The following CHL1 variants were observed in gnomAD, a reference collection of about 807,000 sequenced individuals.
The protein encoded by CHL1 is neural cell adhesion molecule L1-like protein.
In CHL1, 96 loss-of-function variants were observed where a neutral mutation model predicts 141.9. That is an observed-to-expected ratio of 0.68 (90% confidence interval 0.57 to 0.80). The LOEUF (loss-of-function observed/expected upper bound fraction) is 0.80. Among genes scored for constraint, CHL1 ranks in the 30% least tolerant of loss-of-function variants. CHL1 has a pLI of 0.00. For synonymous variants in CHL1, 613 were observed against 502.2 expected, an observed-to-expected ratio of 1.22 and a Z score of -2.95; for missense variants, 1,820 against 1,457.2, an observed-to-expected ratio of 1.25 and a Z score of -4.05.
intron 1 of CHL1, among the ~76,000 whole-genome samples, chr3:234,524 T>C (rs1475120694): frequency 6.6e-6 from 1 of 152,150 alleles, no homozygotes; most frequent in Non-Finnish European, 1.5e-5. Context: ...ATATTTAAAG[T>C]ACTGAAAATT....
intron 19 of CHL1, among the ~76,000 whole-genome samples, chr3:385,025 T>C (rs1707509810): frequency 6.6e-6 from 1 of 152,214 alleles, no homozygotes. Flanking sequence ...TGGTAATACA[T>C]AGAAATGAAA....
chr3:311,854 TAA>T (rs1699778979), intron 2 of CHL1, among the ~76,000 whole-genome samples: 1 of 152,188 alleles, frequency 6.6e-6, no homozygotes, highest in African/African-American at 2.4e-5. Flanking sequence ...CACAGCTATA[TAA>T]GTTGTTTTCT....
At chr3:325,243 T>A (rs1700912910) in intron 3 of CHL1, among the ~76,000 whole-genome samples, 1 of 152,012 alleles carries the variant, frequency 6.6e-6, no homozygotes, top group African/African-American at 2.4e-5. Flanking sequence ...TATTTTATTA[T>A]TTTGAAATGT....
chr3:342,911 GA>G (rs1202029520), intron 7 of CHL1, 72 bp from the exon 8 acceptor site: 1 of 1,236,694 alleles, frequency 8.1e-7, no homozygotes, highest in Non-Finnish European at 1.1e-6. Flanking sequence ...ACAAAAATAT[GA>G]CTTTTCATTC....
intron 2 of CHL1, among the ~76,000 whole-genome samples, chr3:276,691 C>A (rs183223355): frequency 4.0e-5 from 6 of 151,722 alleles, no homozygotes; most frequent in Admixed American, 2.6e-4. Context: ...AGATTGAGAC[C>A]GTCCTGGCTA....
chr3:277,277 T>C (rs1696230466), intron 2 of CHL1, among the ~76,000 whole-genome samples: 1 of 152,160 alleles, frequency 6.6e-6, no homozygotes, highest in Non-Finnish European at 1.5e-5. Context: ...AGTGCTAGAA[T>C]TATATAATAG....
At chr3:237,260 T>C (rs1380597219) in intron 1 of CHL1, among the ~76,000 whole-genome samples, 1 of 152,108 alleles carries the variant, frequency 6.6e-6, no homozygotes, top group Non-Finnish European at 1.5e-5. Flanking sequence ...GTGTGGAAGT[T>C]CCCCACTCAC....
chr3:202,063 G>C (rs1459978903), intron 1 of CHL1, among the ~76,000 whole-genome samples: 1 of 152,140 alleles, frequency 6.6e-6, no homozygotes, highest in Non-Finnish European at 1.5e-5. Flanking sequence ...AGGCTGCCAG[G>C]GTTCAAAATC....
intron 5 of CHL1, among the ~76,000 whole-genome samples, chr3:331,169 A>G (rs1345807694): frequency 1.3e-5 from 2 of 151,948 alleles, no homozygotes; most frequent in Non-Finnish European, 2.9e-5. Context: ...ATTAATACAG[A>G]GAAAGATTTC....
At chr3:247,488 T>C (rs1243723968) in intron 2 of CHL1, 7 of 152,050 alleles carry the variant, frequency 4.6e-5, no homozygotes, top group African/African-American at 1.7e-4. Context: ...ATCTGGGGCA[T>C]ATTAGACGCT....
intron 10 of CHL1, among the ~76,000 whole-genome samples, chr3:353,011 C>T (rs1703394785): frequency 6.6e-6 from 1 of 152,196 alleles, no homozygotes; most frequent in Non-Finnish European, 1.5e-5. Context: ...GGAACTGGAG[C>T]TTCCTTTGCT....
intron 10 of CHL1, among the ~76,000 whole-genome samples, chr3:352,231 T>G (rs1703330832): frequency 1.3e-5 from 2 of 152,194 alleles, no homozygotes; most frequent in Admixed American, 1.3e-4. Flanking sequence ...ATGTTGCGAT[T>G]AAATCCAATT....
At chr3:401,409 A>G (rs139496499) in intron 26 of CHL1, among the ~76,000 whole-genome samples, 1,796 of 152,312 alleles carry the variant, frequency 0.012, 42 homozygotes, top group African/African-American at 0.041. Flanking sequence ...TGCAGGTGTG[A>G]CGACAAGTAG....
chr3:372,262 T>C lies in CHL1; in HGVS notation c.1752-5556T>C, dbSNP rs1705733422. Among the ~76,000 whole-genome samples, 2 of 152,166 alleles carry C rather than the reference T, an allele frequency of 1.3e-5. 1 individual carries two copies. Among genetic ancestry groups the C allele is most frequent in the South Asian group, 4.1e-4 (2 of 4,824 alleles). On this transcript the variant is annotated intron_variant, in intron 15 of 27. Transcript: ENST00000256509. The stretch of plus-strand genomic sequence containing the variant: ...GTACTCCAACCAGTTGCAGGTTCAG[T>C]CTTTTTATGAAGTCCCGTATTTCTT...
chr3:205,745 G>T (rs1404503187), intron 1 of CHL1, among the ~76,000 whole-genome samples: 1 of 152,210 alleles, frequency 6.6e-6, no homozygotes, highest in Middle Eastern at 3.2e-3. Flanking sequence ...TTGTGCTAGA[G>T]ACAGGAATGA....
chr3:342,564 G>C (rs1702423535), intron 7 of CHL1, among the ~76,000 whole-genome samples: 1 of 152,164 alleles, frequency 6.6e-6, no homozygotes, highest in South Asian at 2.1e-4. Context: ...AGAGTAATTA[G>C]AGGGAGGAAG....
intron 18 of CHL1, among the ~76,000 whole-genome samples, chr3:383,043 A>G (rs923561731): frequency 1.3e-5 from 2 of 152,170 alleles, no homozygotes; most frequent in African/African-American, 4.8e-5. Context: ...TCTCAACATC[A>G]ATCTAAATTT....
intron 19 of CHL1, among the ~76,000 whole-genome samples, chr3:385,104 T>C (rs1707517720): frequency 6.6e-6 from 1 of 152,226 alleles, no homozygotes; most frequent in African/African-American, 2.4e-5. Context: ...TCTTGATAAT[T>C]ACTTAATTTA....
intron 10 of CHL1, among the ~76,000 whole-genome samples, chr3:351,762 G>A (rs967745514): frequency 2.6e-5 from 4 of 152,012 alleles, no homozygotes; most frequent in African/African-American, 9.7e-5. Flanking sequence ...AATACTATGA[G>A]CTTGTAATTT....
Sources: gnomAD v4.1 joint callset for allele counts (sites outside exome capture counted in the v4.1 genomes callset) on GRCh38, gnomAD v4.1.1 for gene constraint, MANE v1.5 for transcripts, NCBI Gene and HGNC (gene_info 2026-07-23, HGNC 2026-07-21) for gene names.